Variants in FAM186B observed in about 807,000 individuals in gnomAD.
FAM186B encodes the protein family with sequence similarity 186 member B, also known as protein FAM186B.
Under a neutral mutation model 83.4 loss-of-function variants are expected in FAM186B, and 68 were observed. The observed-to-expected ratio is 0.81, with a 90% confidence interval of 0.67 to 1.00. FAM186B has a LOEUF of 1.00. Among genes scored for constraint, FAM186B ranks in the 50% least tolerant of loss-of-function variants. FAM186B has a pLI of 0.00. For missense variants in FAM186B, 983 were observed against 1,099.2 expected, an observed-to-expected ratio of 0.89 and a Z score of 1.49; for synonymous variants, 389 against 422.0, an observed-to-expected ratio of 0.92 and a Z score of 0.96.
At chr12:49,593,848 A>G (rs535706448) in intron 5 of FAM186B, among the ~76,000 whole-genome samples, 1 of 152,288 alleles carries the variant, frequency 6.6e-6, no homozygotes, top group East Asian at 1.9e-4. Context: ...AAGAGTACAT[A>G]AGCAATCTTA....
chr12:49,594,401 G>T (rs913564879), intron 5 of FAM186B: 1 of 155,736 alleles, frequency 6.4e-6, no homozygotes, highest in East Asian at 1.9e-4. Flanking sequence ...CCCAGTGGAC[G>T]CCTGAAACCT....
intron 3 of FAM186B, 96 bp from the exon 4 acceptor site, chr12:49,601,230 C>T (rs1486150252): frequency 3.4e-6 from 5 of 1,465,160 alleles, no homozygotes; most frequent in South Asian, 2.9e-5. Flanking sequence ...TGGCAACCCC[C>T]TTAGGGATTT....
Position 49,599,468 on chromosome 12 carries a change from C to T in FAM186B, c.2171+1G>A. ...CCAGGTGGGTTCCAGGGAGGACCTA[C>T]CGGAGGCTCTGGAGGCGTCTATAGA... On this transcript the variant is annotated splice_donor_variant, in intron 4 of 6. Transcript: ENST00000257894. LOFTEE classifies it high-confidence loss of function. The T allele has an allele frequency of 4.6e-6, 7 of 1,525,640 alleles. No homozygotes were observed. Among genetic ancestry groups the T allele is most frequent in the Non-Finnish European group, 6.1e-6 (7 of 1,139,112 alleles). The allele number at this position is 1,525,640 out of a possible 1,614,324, so 94.5% of individuals were successfully genotyped here.
chr12:49,592,704 T>G (rs868144705), intron 5 of FAM186B, among the ~76,000 whole-genome samples: 26 of 152,242 alleles, frequency 1.7e-4, no homozygotes, highest in Admixed American at 5.9e-4. Flanking sequence ...GAGAATCGCT[T>G]GAATCCAGGA....
At chr12:49,620,053 G>A in the FAM186B span, among the ~76,000 whole-genome samples, 1 of 152,120 alleles carries the variant, frequency 6.6e-6, no homozygotes, top group Admixed American at 6.6e-5. Context: ...ACGGCATTGT[G>A]AATACTGGCC....
the FAM186B span, among the ~76,000 whole-genome samples, chr12:49,622,417 G>T: frequency 2.6e-5 from 4 of 152,248 alleles, no homozygotes; most frequent in African/African-American, 9.6e-5. Context: ...TGAGGGAGAA[G>T]GACCGGTTGA....
Position 49,599,541 on chromosome 12 carries a change from A to ATGG in FAM186B, c.2096_2098dup (p.Thr699dup), listed in dbSNP as rs748303576. ...CTGCAGCCTGAGCGCGCCCAGCTCC[A>ATGG]TGGTGGTGGTGGTGAGCTCCAGTGC... On this transcript the variant is annotated inframe_insertion, in exon 4 of 7. Coordinates refer to ENST00000257894, the MANE Select transcript of FAM186B (RefSeq NM_032130.3). The ATGG allele has an allele frequency of 1.2e-6, 2 of 1,607,978 alleles. No homozygotes were observed. The highest frequency in any genetic ancestry group is 1.7e-5 in the Admixed American group (1 of 58,874).
chr12:49,584,968 G>A (rs959349894), downstream of FAM186B, among the ~76,000 whole-genome samples: 7 of 151,948 alleles, frequency 4.6e-5, no homozygotes, highest in African/African-American at 1.7e-4. Flanking sequence ...GCCTGTGTGA[G>A]TCTGTTCATG....
chr12:49,588,485 G>A lies in FAM186B; in HGVS notation c.2503C>T (p.His835Tyr), dbSNP rs866301333. The A allele has an allele frequency of 1.2e-6, 2 of 1,613,236 alleles. No individual in the cohort carries two copies. The highest frequency in any genetic ancestry group is 1.7e-6 in the Non-Finnish European group (2 of 1,179,618). ...PTYKQPFLSR[H>Y]RACVPLQMAR... ...ATCTGCAGGGGCACACATGCCCGGT[G>A]CCTAGACAGAAAGGGCTGCTTGTAG... Residue 835 changes from histidine (H) to tyrosine (Y), a missense_variant, in exon 6 of 7, where the codon CAC becomes TAC. Coordinates refer to ENST00000257894, the MANE Select transcript of FAM186B (RefSeq NM_032130.3).
chr12:49,621,199 A>G, the FAM186B span, among the ~76,000 whole-genome samples: 1 of 152,186 alleles, frequency 6.6e-6, no homozygotes, highest in Non-Finnish European at 1.5e-5. Context: ...CCTGGCCAGC[A>G]TGGTGAAACC....
chr12:49,601,022 G>C lies in FAM186B; in HGVS notation c.618C>G (p.Asn206Lys). 6.2e-7 allele frequency: 1 copy of C among 1,614,188 alleles called. No individual in the cohort carries two copies. Among genetic ancestry groups the C allele is most frequent in the Non-Finnish European group, 8.5e-7 (1 of 1,180,020 alleles). Reference protein sequence around the residue: ...EQMLQDQHTMNTKASEVTSML... With the variant: ...EQMLQDQHTMKTKASEVTSML... The stretch of plus-strand genomic sequence containing the variant: ...TGGACGTCACCTCCGAGGCCTTCGT[G>C]TTCATGGTATGCTGGTCCTGGAGCA... The change falls in exon 4 of 7, where the codon AAC becomes AAG. Residue 206 changes from asparagine to lysine, a missense_variant. By Grantham distance (94) the Asn-to-Lys change is moderately conservative. Coordinates refer to ENST00000257894, the MANE Select transcript of FAM186B (RefSeq NM_032130.3).
At chr12:49,592,186 G>A (rs1939595615) in intron 5 of FAM186B, among the ~76,000 whole-genome samples, 1 of 152,178 alleles carries the variant, frequency 6.6e-6, no homozygotes, top group Non-Finnish European at 1.5e-5. Flanking sequence ...GATTTATATT[G>A]TAAACCCTAG....
At chr12:49,609,857 G>A (rs1940065426), upstream of FAM186B, among the ~76,000 whole-genome samples, 1 of 152,178 alleles carries the variant, frequency 6.6e-6, no homozygotes, top group South Asian at 2.1e-4. Flanking sequence ...TACCTCCTGG[G>A]ACTGAGCAGG....
chr12:49,606,604 T>C (rs11833411), upstream of FAM186B, among the ~76,000 whole-genome samples: 33,294 of 152,032 alleles, frequency 0.22, 6,088 homozygotes, highest in African/African-American at 0.51. Flanking sequence ...AATGTGTATA[T>C]ACCTAATAAC....
At chr12:49,598,560 C>T (rs1939780821) in intron 5 of FAM186B, among the ~76,000 whole-genome samples, 195 bp downstream of exon 5, 1 of 152,162 alleles carries the variant, frequency 6.6e-6, no homozygotes, top group Non-Finnish European at 1.5e-5. Context: ...GAAAGCTGCC[C>T]ACCCCCATGC....
At chr12:49,584,282 A>T (rs55735973), downstream of FAM186B, 7,436 of 538,126 alleles carry the variant, frequency 0.014, 94 homozygotes, top group Non-Finnish European at 0.017. Context: ...ACAGAATTTT[A>T]AAATAAACCA....
At chr12:49,612,536 T>TGTG in the FAM186B span, among the ~76,000 whole-genome samples, 20 of 143,772 alleles carry the variant, frequency 1.4e-4, no homozygotes, top group South Asian at 4.4e-3. Flanking sequence ...TTTATGTGTG[T>TGTG]TTTTTTTTTT....
At chr12:49,593,462 C>A (rs918870386) in intron 5 of FAM186B, among the ~76,000 whole-genome samples, 1 of 149,576 alleles carries the variant, frequency 6.7e-6, no homozygotes, top group Non-Finnish European at 1.5e-5. Context: ...TGGCGAACCC[C>A]GTCTCTACTA....
At chr12:49,610,746 C>T in the FAM186B span, among the ~76,000 whole-genome samples, 309 of 149,482 alleles carry the variant, frequency 2.1e-3, 8 homozygotes, top group South Asian at 0.062. Flanking sequence ...GCCAAGATTG[C>T]GCCACTGCAC....
Sources: allele counts gnomAD v4.1 joint callset (sites outside exome capture counted in the v4.1 genomes callset), GRCh38; gene constraint gnomAD v4.1.1; transcripts MANE v1.5; gene names NCBI Gene and HGNC (gene_info 2026-07-23, HGNC 2026-07-21).